The following SENP6 variants were observed in gnomAD, a reference collection of about 807,000 sequenced individuals.
SENP6 encodes SUMO specific peptidase 6.
Under a neutral mutation model 134.5 loss-of-function variants are expected in SENP6, and 41 were observed. The observed-to-expected ratio is 0.30, with a 90% CI of 0.24 to 0.40. The LOEUF is 0.40. Among genes scored for constraint, SENP6 ranks in the 10% least tolerant of loss-of-function variants. SENP6 has a pLI of 1.00. For synonymous variants in SENP6, 395 were observed against 429.8 expected (o/e 0.92, Z 1.00); for missense variants, 1,248 against 1,312.5 (o/e 0.95, Z 0.76).
chr6:75,694,404 T>C (rs1774512146), intron 16 of SENP6, among the ~76,000 whole-genome samples: 1 of 152,236 alleles, frequency 6.6e-6, no homozygotes, highest in Non-Finnish European at 1.5e-5. Flanking sequence ...CTGAACTGTT[T>C]AAAATGAAAT....
chr6:75,663,807 G>GT (rs1562021564), intron 9 of SENP6, among the ~76,000 whole-genome samples: 9 of 13,562 alleles, frequency 6.6e-4, no homozygotes, highest in South Asian at 1.8e-3. Context: ...GCTGATAGTG[G>GT]GTTTTTTTTT....
chr6:75,603,981 C>T (rs1766831549), intron 1 of SENP6, among the ~76,000 whole-genome samples: 1 of 152,132 alleles, frequency 6.6e-6, no homozygotes, highest in Non-Finnish European at 1.5e-5. Context: ...TGAGAGGGTG[C>T]AGCTTGTGTT....
intron 11 of SENP6, 36 bp downstream of exon 11, chr6:75,670,756 T>C (rs1454377565): frequency 7.7e-7 from 1 of 1,295,578 alleles, no homozygotes; most frequent in Non-Finnish European, 1.0e-6. Flanking sequence ...ATACCAATTA[T>C]AACATTAAAA....
At position 75,695,904 on chromosome 6, in the gene SENP6, C is replaced by T. The variant is rs988494873; in HGVS notation, c.2176C>T (p.His726Tyr). ...CCTTAATCAGAGAGAGAGGAGAAAT[C>T]ATGAAACAACTAATCTGTCGTAAGT... ...KRLNQRERRN[H>Y]ETTNLSIQQK... The change falls in exon 17 of 24, where the codon CAT (histidine) becomes TAT (tyrosine). Residue 726 changes from histidine (H) to tyrosine (Y), a missense_variant. Coordinates refer to ENST00000447266, the MANE Select transcript of SENP6 (RefSeq NM_015571.4). 1.9e-6 allele frequency: 3 copies of T among 1,601,366 alleles called. No individual in the cohort carries two copies. Among genetic ancestry groups the T allele is most frequent in the Non-Finnish European group, 2.6e-6 (3 of 1,175,316 alleles).
At position 75,697,375 on chromosome 6, in the gene SENP6, T is replaced by G. The variant is rs573694725; in HGVS notation, c.2196-50T>G. On this transcript the variant is annotated intron_variant, in intron 17 of 23. Transcript: ENST00000447266. ...AATTTATAAATCACTACATATAAGCTGGAGCACTAGAAATATTTCAGAAGC... is the reference window on the plus strand; with the variant it reads ...AATTTATAAATCACTACATATAAGCGGGAGCACTAGAAATATTTCAGAAGC... The G allele has an allele frequency of 7.7e-6, 10 of 1,290,676 alleles. No individual in the cohort carries two copies. In the African/African-American group the frequency reaches 1.5e-4, roughly 19 times the overall value. The allele number at this position is 1,290,676 out of a possible 1,614,324, so 80.0% of individuals were successfully genotyped here.
intron 6 of SENP6, 64 bp downstream of exon 6, chr6:75,640,768 G>A (rs1769966844): frequency 1.9e-6 from 2 of 1,032,822 alleles, no homozygotes; most frequent in Non-Finnish European, 2.7e-6. Context: ...TTATTTATAT[G>A]TTTTGAAAAA....
chr6:75,673,699 T>C (rs913829653), intron 11 of SENP6, among the ~76,000 whole-genome samples: 1 of 152,152 alleles, frequency 6.6e-6, no homozygotes, highest in Non-Finnish European at 1.5e-5. Context: ...ATCACTTCCT[T>C]CAATTCCTTT....
chr6:75,608,301 A>C (rs1176804322), intron 1 of SENP6, among the ~76,000 whole-genome samples: 1 of 152,068 alleles, frequency 6.6e-6, no homozygotes, highest in Non-Finnish European at 1.5e-5. Flanking sequence ...TCTCTGCAAA[A>C]AATACAAAAA....
chr6:75,634,807 C>G lies in SENP6; in HGVS notation c.454C>G (p.Gln152Glu), dbSNP rs374768053. Residue 152 changes from glutamine (Q) to glutamate (E), a missense_variant, in exon 5 of 24, where the codon CAA becomes GAA. Coordinates refer to ENST00000447266, the MANE Select transcript of SENP6 (RefSeq NM_015571.4). The stretch of plus-strand genomic sequence containing the variant: ...GATACCAGTAGTAAAAACAGCAGCC[C>G]AAAGGTAAGAATTCTAATTGTCTTT... Reference protein sequence around the residue: ...AQIPVVKTAAQSSLDRKERKE... With the variant: ...AQIPVVKTAAESSLDRKERKE... 2.5e-6 allele frequency: 4 copies of G among 1,586,396 alleles called. No individual in the cohort carries two copies. The African/African-American group carries it at 5.4e-5, about 22-fold the overall frequency.
intron 11 of SENP6, 135 bp downstream of exon 11, chr6:75,670,855 C>CT: frequency 2.9e-6 from 1 of 347,008 alleles, no homozygotes; most frequent in Non-Finnish European, 4.6e-6. Flanking sequence ...TTTCACATTG[C>CT]TTTAAGAGTA....
At chr6:75,602,631 G>A in intron 1 of SENP6, 55 bp downstream of exon 1, 1 of 1,527,246 alleles carries the variant, frequency 6.5e-7, no homozygotes, top group Non-Finnish European at 8.9e-7. Context: ...GGAAAACGTG[G>A]CCCCCAGAAC....
Position 75,621,590 on chromosome 6 carries a change from T to A in SENP6, c.111T>A (p.Asp37Glu), listed in dbSNP as rs1315061794. ...GTTTTAAAAATAATTGGAGCTTTGA[T>A]CATGAAGAAGAAAGTGAAGGAGATA... ...DGGFKNNWSFDHEEESEGDTD... is the reference protein window; with the variant it reads ...DGGFKNNWSFEHEEESEGDTD... The change falls in exon 2 of 24, where the codon GAT becomes GAA. Residue 37 changes from aspartate (D) to glutamate (E), a missense_variant. Asp to Glu is a conservative substitution (Grantham distance 45, BLOSUM62 2). Coordinates refer to ENST00000447266, the MANE Select transcript of SENP6 (RefSeq NM_015571.4). The A allele has an allele frequency of 6.2e-7, 1 of 1,611,488 alleles. No individual in the cohort carries two copies.
chr6:75,638,612 ATATATATATATTTTTT>A (rs1380283796), intron 5 of SENP6, among the ~76,000 whole-genome samples: 38 of 38,546 alleles, frequency 9.9e-4, no homozygotes, highest in African/African-American at 1.3e-3. Flanking sequence ...ATATATATAT[ATATATATATATTTTTT>A]TTTTTTTTTT....
chr6:75,652,294 A>C (rs13191414), intron 7 of SENP6, among the ~76,000 whole-genome samples: 1 of 151,938 alleles, frequency 6.6e-6, no homozygotes, highest in Admixed American at 6.6e-5. Flanking sequence ...TACAGGCATG[A>C]GCCACCACGC....
chr6:75,713,446 C>G, intron 21 of SENP6, 67 bp from the exon 22 acceptor site: 1 of 1,302,420 alleles, frequency 7.7e-7, no homozygotes, highest in Non-Finnish European at 1.1e-6. Context: ...TAATATGCCA[C>G]TTTTAATCCT....
chr6:75,627,821 A>G (rs1441237067), intron 3 of SENP6, among the ~76,000 whole-genome samples: 9 of 152,018 alleles, frequency 5.9e-5, no homozygotes, highest in Non-Finnish European at 8.8e-5. Context: ...GATTACAGGC[A>G]TGGTGCCACC....
At chr6:75,686,190 C>T (rs1480673758) in intron 16 of SENP6, among the ~76,000 whole-genome samples, 1 of 152,166 alleles carries the variant, frequency 6.6e-6, no homozygotes, top group Non-Finnish European at 1.5e-5. Flanking sequence ...GGTTTAAAGT[C>T]TGTTTTATCC....
chr6:75,612,959 C>A (rs888746158), intron 1 of SENP6, among the ~76,000 whole-genome samples: 3 of 151,898 alleles, frequency 2.0e-5, no homozygotes, highest in African/African-American at 7.2e-5. Context: ...ACTAAAAATA[C>A]AAAAATCAGC....
chr6:75,637,103 C>T (rs1229392888), intron 5 of SENP6, among the ~76,000 whole-genome samples: 1 of 152,028 alleles, frequency 6.6e-6, no homozygotes, highest in South Asian at 2.1e-4. Flanking sequence ...TTAGGCTGGT[C>T]TCCAGCTTCA....
Sources: gnomAD v4.1 joint callset for allele counts (sites outside exome capture counted in the v4.1 genomes callset) on GRCh38, gnomAD v4.1.1 for gene constraint, MANE v1.5 for transcripts, NCBI Gene and HGNC (gene_info 2026-07-23, HGNC 2026-07-21) for gene names.